TPST1: variants seen among roughly 807,000 people sequenced by gnomAD.
The protein encoded by TPST1 is protein-tyrosine sulfotransferase 1.
TPST1 carries 20 observed loss-of-function variants against 34.8 expected under a neutral mutation model. The observed-to-expected ratio is 0.57, with a 90% CI of 0.40 to 0.84. TPST1 has a LOEUF of 0.84. Ranked by LOEUF, TPST1 falls within the 40% of genes least tolerant of loss-of-function variation. The probability of loss-of-function intolerance (pLI) is 0.00; values close to 1 mark genes in which losing one functional copy is unlikely to be tolerated. For missense variants in TPST1, 353 were observed against 455.5 expected (o/e 0.78, Z 2.05); for synonymous variants, 152 against 159.4 (o/e 0.95, Z 0.35).
At chr7:66,324,358 G>A (rs1791818129) in intron 3 of TPST1, among the ~76,000 whole-genome samples, 1 of 152,106 alleles carries the variant, frequency 6.6e-6, no homozygotes, top group Admixed American at 6.6e-5. Flanking sequence ...TTCTCAATCT[G>A]TGTTTACTCC....
intron 2 of TPST1, among the ~76,000 whole-genome samples, chr7:66,263,626 A>T (rs1350520225): frequency 1.3e-5 from 2 of 152,232 alleles, no homozygotes; most frequent in African/African-American, 2.4e-5. Context: ...TGTTGAATTT[A>T]TCATATTACT....
chr7:66,356,088 C>T (rs982789565), intron 4 of TPST1, among the ~76,000 whole-genome samples: 1 of 151,784 alleles, frequency 6.6e-6, no homozygotes, highest in Non-Finnish European at 1.5e-5. Context: ...GACACACACA[C>T]GTAGAAAAGG....
chr7:66,285,654 G>A (rs1791019482), intron 2 of TPST1, among the ~76,000 whole-genome samples: 1 of 152,048 alleles, frequency 6.6e-6, no homozygotes, highest in Non-Finnish European at 1.5e-5. Context: ...TATGTATTAC[G>A]ATATAAAAGT....
chr7:66,218,852 A>T (rs927183365), intron 1 of TPST1, among the ~76,000 whole-genome samples: 2 of 151,766 alleles, frequency 1.3e-5, no homozygotes, highest in Non-Finnish European at 2.9e-5. Flanking sequence ...ATCTCAAAAA[A>T]AAAAAAAATT....
chr7:66,330,226 C>T (rs1791970787), intron 3 of TPST1, among the ~76,000 whole-genome samples: 1 of 152,058 alleles, frequency 6.6e-6, no homozygotes, highest in African/African-American at 2.4e-5. Context: ...AGGAGATTAC[C>T]GATCATCTGG....
chr7:66,268,999 TA>T (rs1225146924), intron 2 of TPST1, among the ~76,000 whole-genome samples: 2 of 152,198 alleles, frequency 1.3e-5, no homozygotes, highest in East Asian at 3.8e-4. Flanking sequence ...AAGACATTTT[TA>T]AAAAATGATA....
intron 2 of TPST1, among the ~76,000 whole-genome samples, chr7:66,244,862 C>A (rs1790115756): frequency 6.6e-6 from 1 of 151,956 alleles, no homozygotes. Context: ...ACACTTAGGG[C>A]AGAAAGAGAA....
At chr7:66,254,455 G>C (rs1011799016) in intron 2 of TPST1, among the ~76,000 whole-genome samples, 3 of 152,142 alleles carry the variant, frequency 2.0e-5, no homozygotes, top group Non-Finnish European at 4.4e-5. Context: ...CCAGGGTAGA[G>C]TGCAGTGGTG....
In TPST1 at chr7:66,240,801, G is replaced by A. The variant is rs1301463624; in HGVS notation, c.376G>A (p.Glu126Lys). 6.2e-7 allele frequency: 1 copy of A among 1,614,222 alleles called. No individual in the cohort carries two copies. Among genetic ancestry groups the A allele is most frequent in the Non-Finnish European group, 8.5e-7 (1 of 1,180,044 alleles). Residue 126 changes from glutamate (E) to lysine (K), a missense_variant, in exon 2 of 6, where the codon GAG becomes AAG. By Grantham distance (56) the Glu-to-Lys change is moderately conservative (BLOSUM62 1). Transcript: ENST00000304842. ...AAGTAAAGAGAAGATCCGCCTGGAT[G>A]AGGCTGGTGTTACTGATGAAGTGCT... ...RSSKEKIRLD[E>K]AGVTDEVLDS...
At chr7:66,232,984 A>C (rs1789829930) in intron 1 of TPST1, among the ~76,000 whole-genome samples, 1 of 152,126 alleles carries the variant, frequency 6.6e-6, no homozygotes, top group Admixed American at 6.5e-5. Flanking sequence ...TCTTGTGCTT[A>C]TTGACCATTT....
chr7:66,253,260 C>T (rs192557144), intron 2 of TPST1, among the ~76,000 whole-genome samples: 11 of 152,100 alleles, frequency 7.2e-5, no homozygotes, highest in Admixed American at 6.5e-5. Flanking sequence ...TGGATTTTGG[C>T]ATTTGTGGGG....
chr7:66,330,470 T>G (rs1034041393), intron 3 of TPST1, among the ~76,000 whole-genome samples: 2 of 152,204 alleles, frequency 1.3e-5, no homozygotes, highest in African/African-American at 4.8e-5. Context: ...CATCTTATTG[T>G]AAACACCAAG....
intron 3 of TPST1, among the ~76,000 whole-genome samples, chr7:66,343,342 G>A (rs1792278046): frequency 6.6e-6 from 1 of 152,130 alleles, no homozygotes. Context: ...TCATAAGTGG[G>A]AGCTAGACAT....
upstream of TPST1, among the ~76,000 whole-genome samples, chr7:66,202,243 A>T (rs183911145): frequency 2.7e-3 from 404 of 152,232 alleles, 5 homozygotes; most frequent in Non-Finnish European, 4.2e-3. Context: ...GCTTCAGATC[A>T]AGCTGTTTCT....
In TPST1 at chr7:66,323,048, CTATT is replaced by C. The variant is rs534638358; in HGVS notation, c.1045-29453_1045-29450del. 4.6e-5 allele frequency among the ~76,000 whole-genome samples: 7 copies of C among 151,832 alleles called. No individual in the cohort carries two copies. The East Asian group carries it at 5.8e-4, about 13-fold the overall frequency. ...GAGCATCTTTTCATATGCTTGTTGT[CTATT>C]TATGTATCATCTTTGGGAAGAAATA... is the stretch of plus-strand genomic sequence containing the variant. On this transcript the variant is annotated intron_variant, in intron 3 of 5. Coordinates refer to ENST00000304842, the MANE Select transcript of TPST1 (RefSeq NM_003596.4).
chr7:66,224,334 G>A (rs1040135936), intron 1 of TPST1, among the ~76,000 whole-genome samples: 3 of 152,202 alleles, frequency 2.0e-5, no homozygotes, highest in African/African-American at 7.2e-5. Flanking sequence ...GGAGAAACCA[G>A]ATACAGACTG....
chr7:66,347,235 T>G (rs914126674), intron 3 of TPST1, among the ~76,000 whole-genome samples: 5 of 151,924 alleles, frequency 3.3e-5, no homozygotes, highest in Non-Finnish European at 7.4e-5. Flanking sequence ...GCCTGGCTAA[T>G]TTTTGTATTT....
chr7:66,300,056 A>T (rs149605068), intron 3 of TPST1, among the ~76,000 whole-genome samples: 2 of 152,166 alleles, frequency 1.3e-5, no homozygotes, highest in African/African-American at 2.4e-5. Flanking sequence ...TTAATTTAAA[A>T]TACTTTATTG....
At chr7:66,300,807 G>A (rs1412844940) in intron 3 of TPST1, among the ~76,000 whole-genome samples, 1 of 152,098 alleles carries the variant, frequency 6.6e-6, no homozygotes, top group African/African-American at 2.4e-5. Flanking sequence ...TTAGCTGGGT[G>A]TGGTGGCGCA....
Sources: allele counts gnomAD v4.1 joint callset (sites outside exome capture counted in the v4.1 genomes callset), GRCh38; gene constraint gnomAD v4.1.1; transcripts MANE v1.5; gene names NCBI Gene and HGNC (gene_info 2026-07-23, HGNC 2026-07-21).